Variants in ZNF560 observed in about 807,000 individuals in gnomAD.
ZNF560 encodes the protein zinc finger protein 560.
A neutral mutation model predicts 81.8 loss-of-function variants in ZNF560; 54 were observed. The ratio of observed to expected loss-of-function variants is 0.66; its 90% CI spans 0.53 to 0.83. ZNF560 has a LOEUF of 0.83. Ranked by LOEUF, ZNF560 falls within the 40% of genes least tolerant of loss-of-function variation. The pLI is 0.00. For synonymous variants in ZNF560, 321 were observed against 317.9 expected, an observed-to-expected ratio of 1.01 and a Z score of -0.10; for missense variants, 940 against 932.4, an observed-to-expected ratio of 1.01 and a Z score of -0.11.
intron 2 of ZNF560, among the ~76,000 whole-genome samples, 196 bp from the exon 3 acceptor site, chr19:9,475,565 C>T (rs1196796296): frequency 2.6e-5 from 4 of 151,606 alleles, no homozygotes; most frequent in South Asian, 2.1e-4. Context: ...GCCAAGCTGT[C>T]GTAAGTAAAA....
chr19:9,473,262 T>C lies in ZNF560; in HGVS notation c.158-3A>G. On this transcript the variant is annotated splice_region_variant and splice_polypyrimidine_tract_variant and intron_variant, in intron 4 of 9. Transcript: ENST00000301480. The stretch of plus-strand genomic sequence containing the variant: ...ACTGGGTTTAAAGAGCTGAAATCCT[T>C]TACATGAAGAAATGATACATTAATG... 1 of 1,604,744 alleles carries C rather than the reference T, an allele frequency of 6.2e-7. No homozygotes were observed. Among genetic ancestry groups the C allele is most frequent in the Non-Finnish European group, 8.5e-7 (1 of 1,175,540 alleles).
chr19:9,480,564 T>TA (rs776842824), intron 2 of ZNF560, among the ~76,000 whole-genome samples: 55 of 141,972 alleles, frequency 3.9e-4, no homozygotes, highest in East Asian at 1.2e-3. Flanking sequence ...TAAATGAAAC[T>TA]AAAAAAAAAT....
Position 9,469,133 on chromosome 19 carries a change from C to A in ZNF560, c.584G>T (p.Cys195Phe), listed in dbSNP as rs61737643. Residue 195 changes from cysteine (C) to phenylalanine (F), a missense_variant, in exon 9 of 10, where the codon TGT becomes TTT. Coordinates refer to ENST00000301480, the MANE Select transcript of ZNF560 (RefSeq NM_152476.3). ...KGPALWQDNF[C>F]LKTLNGIQLA... The stretch of plus-strand genomic sequence containing the variant: ...CTGTATCCCATTTAATGTTTTTAAA[C>A]AAAAATTATCTTGCCAAAGGGCTGG... The A allele has an allele frequency of 3.8e-3, 5,985 of 1,594,308 alleles. 25 individuals are homozygous for A. Among genetic ancestry groups the A allele is most frequent in the Non-Finnish European group, 4.8e-3 (5,661 of 1,172,784 alleles).
intron 2 of ZNF560, among the ~76,000 whole-genome samples, chr19:9,482,213 G>A (rs1332324146): frequency 6.6e-6 from 1 of 151,848 alleles, no homozygotes; most frequent in Non-Finnish European, 1.5e-5. Flanking sequence ...TCATAGGTGA[G>A]AATTGAACAA....
Position 9,468,031 on chromosome 19 carries a change from AT to A in ZNF560, c.915del (p.Tyr306ThrfsTer32), listed in dbSNP as rs1187509869. The A allele has an allele frequency of 6.2e-7, 1 of 1,614,168 alleles. No homozygotes were observed. Among genetic ancestry groups the A allele is most frequent in the South Asian group, 1.1e-5 (1 of 91,076 alleles). Reference protein sequence around the residue: ...TDYGKAFIYQSYLEAHRKTQS... With the variant: ...TDYGKAFIYQXYLEAHRKTQS... ...TGAGTTTTCCTGTGTGCTTCAAGGTATGACTGATAAATGAAGGCTTTCCCAT... is the reference window on the plus strand; with the variant it reads ...TGAGTTTTCCTGTGTGCTTCAAGGTAGACTGATAAATGAAGGCTTTCCCAT... On this transcript the variant is annotated frameshift_variant, in exon 10 of 10. Transcript: ENST00000301480. LOFTEE classifies it high-confidence loss of function.
At chr19:9,475,430 T>C (rs2073185412) in intron 2 of ZNF560, 61 bp from the exon 3 acceptor site, 3 of 948,242 alleles carry the variant, frequency 3.2e-6, no homozygotes, top group African/African-American at 1.7e-5. Flanking sequence ...TTCGCATGCA[T>C]GGAAGTTATT....
chr19:9,465,395 T>C (rs1418861799), downstream of ZNF560, among the ~76,000 whole-genome samples: 1 of 152,128 alleles, frequency 6.6e-6, no homozygotes, highest in East Asian at 1.9e-4. Flanking sequence ...GCCTCAGCCT[T>C]CCAAAGTGCT....
chr19:9,476,070 C>T (rs1292952808), intron 2 of ZNF560, among the ~76,000 whole-genome samples: 2 of 152,064 alleles, frequency 1.3e-5, no homozygotes, highest in East Asian at 3.9e-4. Context: ...AAAGGAACTA[C>T]TAGTGTGAAT....
At chr19:9,468,640 A>G (rs2073072151) in intron 9 of ZNF560, among the ~76,000 whole-genome samples, 1 of 151,498 alleles carries the variant, frequency 6.6e-6, no homozygotes, top group African/African-American at 2.4e-5. Flanking sequence ...CACACAAGGT[A>G]TGGGATCTCT....
intron 2 of ZNF560, among the ~76,000 whole-genome samples, chr19:9,475,607 C>CTTTTT (rs34316228): frequency 1.4e-5 from 2 of 139,944 alleles, no homozygotes; most frequent in African/African-American, 5.4e-5. Context: ...GGTAAAGAAA[C>CTTTTT]TTTTTTTTTT....
the ZNF560 span, among the ~76,000 whole-genome samples, chr19:9,452,746 G>A: frequency 8.9e-4 from 136 of 152,292 alleles, no homozygotes; most frequent in Non-Finnish European, 1.6e-3. Context: ...ACTACTGGGC[G>A]GGTAGGTGGG....
At chr19:9,503,884 T>C in the ZNF560 span, among the ~76,000 whole-genome samples, 1 of 152,192 alleles carries the variant, frequency 6.6e-6, no homozygotes, top group Admixed American at 6.5e-5. Flanking sequence ...TAATGGAGTA[T>C]AAAGTGATAT....
At chr19:9,489,415 G>A (rs1327406052) in intron 2 of ZNF560, among the ~76,000 whole-genome samples, 1 of 151,772 alleles carries the variant, frequency 6.6e-6, no homozygotes, top group Non-Finnish European at 1.5e-5. Flanking sequence ...TGGTGGCTGA[G>A]CAGAGGCGCT....
chr19:9,506,277 G>A, the ZNF560 span, among the ~76,000 whole-genome samples: 1 of 152,088 alleles, frequency 6.6e-6, no homozygotes, highest in African/African-American at 2.4e-5. Context: ...ACAGGAGTGA[G>A]CCACTGCACC....
upstream of ZNF560, among the ~76,000 whole-genome samples, chr19:9,501,156 C>CTTTTTTT (rs759618635): frequency 5.6e-5 from 6 of 106,358 alleles, no homozygotes; most frequent in Non-Finnish European, 7.5e-5. Context: ...TTCTCTTTAG[C>CTTTTTTT]TTTTTTTTTT....
chr19:9,498,485 C>T (rs2073597710), intron 1 of ZNF560, 53 bp downstream of exon 1: 1 of 152,594 alleles, frequency 6.6e-6, no homozygotes. Flanking sequence ...TCGATTGTGA[C>T]CTCTGCCACC....
the ZNF560 span, among the ~76,000 whole-genome samples, chr19:9,454,550 A>G: frequency 6.6e-6 from 1 of 152,326 alleles, no homozygotes; most frequent in South Asian, 2.1e-4. Flanking sequence ...ACAATGGGAC[A>G]AGGGTCAAGC....
At chr19:9,497,172 G>T (rs781519550) in intron 2 of ZNF560, among the ~76,000 whole-genome samples, 2 of 151,244 alleles carry the variant, frequency 1.3e-5, no homozygotes, top group Non-Finnish European at 2.9e-5. Flanking sequence ...AAAACATTCC[G>T]TTATATTTTA....
rs770200275 is a variant in ZNF560, at chr19:9,475,354, G to C, written c.-41C>G. On this transcript the variant is annotated 5_prime_UTR_variant, in exon 3 of 10. Coordinates refer to ENST00000301480, the MANE Select transcript of ZNF560 (RefSeq NM_152476.3). ...TGTCTTTTCTTCATGAAGGCAGATT[G>C]GGTTCCTAGAAAGACCTGGAAAAGA... 2.1e-5 allele frequency: 33 copies of C among 1,608,474 alleles called. No individual in the cohort carries two copies. The highest frequency in any genetic ancestry group is 2.7e-5 in the African/African-American group (2 of 74,734).
Sources: allele counts gnomAD v4.1 joint callset (sites outside exome capture counted in the v4.1 genomes callset), GRCh38; gene constraint gnomAD v4.1.1; transcripts MANE v1.5; gene names NCBI Gene and HGNC (gene_info 2026-07-23, HGNC 2026-07-21).